Variants in FGF14 observed in about 807,000 individuals in gnomAD.
FGF14 encodes the protein fibroblast growth factor 14, also known as fibroblast growth factor homologous factor 4.
In FGF14, 5 loss-of-function variants were observed where a neutral mutation model predicts 25.5. The ratio of observed to expected loss-of-function variants is 0.20; its 90% CI spans 0.10 to 0.41. The LOEUF (loss-of-function observed/expected upper bound fraction) is 0.41. Ranked by LOEUF, FGF14 falls within the 10% of genes least tolerant of loss-of-function variation. FGF14 has a pLI of 1.00. For missense variants in FGF14, 222 were observed against 320.1 expected (o/e 0.69, Z 2.34); for synonymous variants, 138 against 118.3 (o/e 1.17, Z -1.08).
chr13:101,775,143 C>T (rs2039024121), intron 3 of FGF14, among the ~76,000 whole-genome samples: 1 of 152,078 alleles, frequency 6.6e-6, no homozygotes, highest in South Asian at 2.1e-4. Context: ...CAGATTAACA[C>T]AGTTTATATA....
intron 2 of FGF14, among the ~76,000 whole-genome samples, chr13:101,872,573 A>G (rs1162055234): frequency 1.3e-5 from 2 of 152,044 alleles, no homozygotes; most frequent in Non-Finnish European, 2.9e-5. Flanking sequence ...AATTCATCCT[A>G]AGAAACACCG....
intron 1 of FGF14, among the ~76,000 whole-genome samples, chr13:102,270,963 T>C (rs1407283734): frequency 6.6e-6 from 1 of 152,212 alleles, no homozygotes; most frequent in Non-Finnish European, 1.5e-5. Flanking sequence ...TCCTTGCTTA[T>C]GCTGTTTGCT....
At chr13:102,132,609 C>T (rs1045168992) in intron 1 of FGF14, among the ~76,000 whole-genome samples, 2 of 151,412 alleles carry the variant, frequency 1.3e-5, no homozygotes, top group African/African-American at 4.9e-5. Flanking sequence ...TCAAGCAATT[C>T]TGCCACAGGT....
intron 1 of FGF14, among the ~76,000 whole-genome samples, chr13:102,263,881 T>G (rs994078271): frequency 1.3e-5 from 2 of 152,074 alleles, no homozygotes; most frequent in Non-Finnish European, 2.9e-5. Flanking sequence ...AAAAGTTGAG[T>G]GTCATTTAGG....
At chr13:101,927,972 C>T (rs1360853920) in intron 1 of FGF14, among the ~76,000 whole-genome samples, 1 of 152,172 alleles carries the variant, frequency 6.6e-6, no homozygotes, top group Non-Finnish European at 1.5e-5. Flanking sequence ...ATATGCCCTC[C>T]GTCCCGTTTC....
chr13:102,036,420 C>T (rs1566602293), intron 1 of FGF14, among the ~76,000 whole-genome samples: 1 of 152,026 alleles, frequency 6.6e-6, no homozygotes, highest in Admixed American at 6.6e-5. Context: ...AGACTCTAAC[C>T]AAAAGGAGGG....
At chr13:101,794,538 C>A (rs8000560) in intron 3 of FGF14, among the ~76,000 whole-genome samples, 5,931 of 152,072 alleles carry the variant, frequency 0.039, 188 homozygotes, top group African/African-American at 0.07. Context: ...CAGGGCTTCT[C>A]TGCTTTAGCA....
chr13:102,335,915 T>C (rs1474471903), intron 1 of FGF14, among the ~76,000 whole-genome samples: 1 of 152,196 alleles, frequency 6.6e-6, no homozygotes, highest in Non-Finnish European at 1.5e-5. Flanking sequence ...CCCCAAACTG[T>C]GCCCATGTAA....
chr13:101,773,472 A>C (rs958551133), intron 3 of FGF14, among the ~76,000 whole-genome samples: 1 of 152,102 alleles, frequency 6.6e-6, no homozygotes, highest in Non-Finnish European at 1.5e-5. Context: ...AGATGGACAG[A>C]AACTGAGAGG....
chr13:102,380,502 T>C (rs951562820), intron 1 of FGF14, among the ~76,000 whole-genome samples: 2 of 152,154 alleles, frequency 1.3e-5, no homozygotes, highest in African/African-American at 2.4e-5. Flanking sequence ...TGAGAATGTC[T>C]AGCTACTTCA....
intron 1 of FGF14, among the ~76,000 whole-genome samples, chr13:102,122,280 T>C (rs557628468): frequency 1.3e-5 from 2 of 152,336 alleles, no homozygotes; most frequent in African/African-American, 4.8e-5. Flanking sequence ...CTTCTGATCC[T>C]AGCTGAAATT....
chr13:101,804,445 CAAG>C (rs1256539404), intron 3 of FGF14, among the ~76,000 whole-genome samples: 6 of 152,160 alleles, frequency 3.9e-5, no homozygotes, highest in Non-Finnish European at 1.5e-5. Flanking sequence ...CTCCTACACA[CAAG>C]AAGATAGTCC....
chr13:102,126,838 A>G (rs2045969614), intron 1 of FGF14, among the ~76,000 whole-genome samples: 1 of 152,200 alleles, frequency 6.6e-6, no homozygotes, highest in African/African-American at 2.4e-5. Flanking sequence ...GAAAACTGGG[A>G]CTAACAAAAA....
rs939219349 is a variant in FGF14, at chr13:101,720,240, G to A, written c.*2591C>T. ...TTGCTGTCCTCTTCCCATGCTACAG[G>A]TGAGACCAGACACAAAGTAAATGAC... On this transcript the variant is annotated 3_prime_UTR_variant, in exon 5 of 5. Coordinates refer to ENST00000376143, the MANE Select transcript of FGF14 (RefSeq NM_004115.4). 3.3e-5 allele frequency: 5 copies of A among 151,974 alleles called. No individual in the cohort carries two copies. The highest frequency in any genetic ancestry group is 1.2e-4 in the African/African-American group (5 of 41,386). 9.4% of individuals were successfully genotyped at this position (151,974 alleles called of 1,614,324 possible).
At chr13:102,158,557 T>C (rs996529118) in intron 1 of FGF14, among the ~76,000 whole-genome samples, 1 of 151,514 alleles carries the variant, frequency 6.6e-6, no homozygotes, top group African/African-American at 2.4e-5. Context: ...CATTAGGAGA[T>C]ATACCTAATG....
intron 1 of FGF14, among the ~76,000 whole-genome samples, chr13:102,062,524 G>C (rs1035257056): frequency 6.6e-6 from 1 of 151,946 alleles, no homozygotes; most frequent in Non-Finnish European, 1.5e-5. Context: ...GACTAAAAAA[G>C]AATGAAAAAC....
At chr13:101,747,514 G>C (rs2048110764) in intron 3 of FGF14, among the ~76,000 whole-genome samples, 1 of 152,006 alleles carries the variant, frequency 6.6e-6, no homozygotes, top group Non-Finnish European at 1.5e-5. Context: ...AGACAAGACT[G>C]CAGGTAGACT....
At chr13:101,819,573 T>C (rs1471669502) in intron 3 of FGF14, among the ~76,000 whole-genome samples, 2 of 152,240 alleles carry the variant, frequency 1.3e-5, no homozygotes, top group Non-Finnish European at 1.5e-5. Flanking sequence ...CGTAATTTTG[T>C]ACTTAAAATT....
At chr13:101,736,693 T>C (rs2036211140) in intron 3 of FGF14, among the ~76,000 whole-genome samples, 1 of 152,154 alleles carries the variant, frequency 6.6e-6, no homozygotes, top group Non-Finnish European at 1.5e-5. Context: ...TATTTACTTA[T>C]CGGTATGAGG....
Sources: gnomAD v4.1 joint callset for allele counts (sites outside exome capture counted in the v4.1 genomes callset) on GRCh38, gnomAD v4.1.1 for gene constraint, MANE v1.5 for transcripts, NCBI Gene and HGNC (gene_info 2026-07-23, HGNC 2026-07-21) for gene names.